The following JCAD variants were observed in gnomAD, a reference collection of about 807,000 sequenced individuals.
The protein encoded by JCAD is junctional cadherin 5 associated.
A neutral mutation model predicts 98.0 loss-of-function variants in JCAD; 40 were observed. That is an observed-to-expected ratio of 0.41 (90% confidence interval 0.32 to 0.53). The LOEUF (loss-of-function observed/expected upper bound fraction) is 0.53, where lower values mean the gene tolerates loss of function less well. JCAD is among the 20% of genes least tolerant of loss of function. The pLI is 0.31. For missense variants in JCAD, 1,705 were observed against 1,738.1 expected (o/e 0.98, Z 0.34); for synonymous variants, 691 against 682.3 (o/e 1.01, Z -0.20).
At chr10:30,043,241 A>G (rs913738522) in intron 2 of JCAD, among the ~76,000 whole-genome samples, 2 of 152,152 alleles carry the variant, frequency 1.3e-5, no homozygotes, top group Non-Finnish European at 2.9e-5. Context: ...AGTGTCCTGT[A>G]TGCTCAAAAA....
intron 1 of JCAD, among the ~76,000 whole-genome samples, chr10:30,048,383 C>A (rs1041032561): frequency 6.6e-6 from 1 of 152,208 alleles, no homozygotes; most frequent in African/African-American, 2.4e-5. Context: ...TTAATCAACA[C>A]AGTCATGATA....
intron 1 of JCAD, among the ~76,000 whole-genome samples, chr10:30,085,732 T>C (rs1838157014): frequency 6.6e-6 from 1 of 152,208 alleles, no homozygotes; most frequent in South Asian, 2.1e-4. Context: ...ACTTTGCAAC[T>C]GAGCAGAGTC....
chr10:30,067,133 G>A (rs1402322240), intron 2 of JCAD, among the ~76,000 whole-genome samples: 1 of 150,564 alleles, frequency 6.6e-6, no homozygotes. Context: ...TCATGCTACT[G>A]CACTCCAACC....
intron 1 of JCAD, among the ~76,000 whole-genome samples, chr10:30,052,326 G>A (rs930236801): frequency 6.6e-6 from 1 of 152,210 alleles, no homozygotes; most frequent in African/African-American, 2.4e-5. Context: ...GGAGTAAAAT[G>A]AGAAGGCTGA....
At chr10:30,048,315 A>G (rs907752136) in intron 1 of JCAD, among the ~76,000 whole-genome samples, 2 of 152,196 alleles carry the variant, frequency 1.3e-5, no homozygotes, top group African/African-American at 4.8e-5. Flanking sequence ...TAATCTTAGG[A>G]CACGCCCCTG....
Position 30,028,835 on chromosome 10 carries a change from T to A in JCAD, c.1313A>T (p.Gln438Leu), listed in dbSNP as rs780441562. Residue 438 changes from glutamine (Q) to leucine (L), a missense_variant, in exon 3 of 4, where the codon CAG becomes CTG. By Grantham distance (113) the Gln-to-Leu change is moderately radical. This residue lies in a region of JCAD where 1,278 missense variants were observed against 1,243.1 expected (regional missense o/e 1.03). Transcript: ENST00000375377. ...DPRLRHFKLA[Q>L]PQGFCEDIKL... ...TATGTCTTCACAGAAACCCTGGGGC[T>A]GAGCTAGTTTAAAATGTCGTAACCG... 2 of 1,614,228 alleles carry A rather than the reference T, an allele frequency of 1.2e-6. No homozygotes were observed. Among genetic ancestry groups the A allele is most frequent in the East Asian group, 4.5e-5 (2 of 44,886 alleles).
At chr10:30,085,253 G>A (rs145719115) in intron 1 of JCAD, among the ~76,000 whole-genome samples, 36 of 152,182 alleles carry the variant, frequency 2.4e-4, no homozygotes, top group Non-Finnish European at 4.7e-4. Context: ...CAGGGGAAAA[G>A]CAGGCTTACG....
intron 1 of JCAD, among the ~76,000 whole-genome samples, chr10:30,085,183 C>A (rs1001528247): frequency 6.6e-6 from 1 of 152,068 alleles, no homozygotes; most frequent in Non-Finnish European, 1.5e-5. Context: ...AAAGGAGTAA[C>A]CTGATTGTCT....
intron 1 of JCAD, among the ~76,000 whole-genome samples, chr10:30,104,115 C>A (rs1838521371): frequency 6.6e-6 from 1 of 152,092 alleles, no homozygotes; most frequent in Admixed American, 6.6e-5. Context: ...TTACAGAGGC[C>A]TGGGGGCATG....
intron 1 of JCAD, among the ~76,000 whole-genome samples, chr10:30,081,931 T>C (rs1564466254): frequency 6.6e-6 from 1 of 152,206 alleles, no homozygotes; most frequent in Non-Finnish European, 1.5e-5. Context: ...TATAATTCTG[T>C]TGCACTAAGA....
intron 2 of JCAD, among the ~76,000 whole-genome samples, chr10:30,040,270 A>G (rs1041668409): frequency 2.0e-5 from 3 of 152,230 alleles, no homozygotes; most frequent in Non-Finnish European, 4.4e-5. Flanking sequence ...CATTTCCACA[A>G]TACGGATGCA....
chr10:30,082,877 AC>A (rs1486368607), intron 1 of JCAD, among the ~76,000 whole-genome samples: 4,914 of 103,116 alleles, frequency 0.048, 305 homozygotes, highest in African/African-American at 0.12. Flanking sequence ...AAAAAAAAAA[AC>A]AAAAAATTAG....
chr10:30,047,437 C>G, intron 2 of JCAD, 95 bp downstream of exon 2: 1 of 1,441,198 alleles, frequency 6.9e-7, no homozygotes, highest in South Asian at 1.4e-5. Context: ...CTCCTTGGCC[C>G]TGGCCAAATA....
intron 1 of JCAD, among the ~76,000 whole-genome samples, chr10:30,110,886 C>G (rs1209749638): frequency 6.6e-6 from 1 of 151,962 alleles, no homozygotes; most frequent in African/African-American, 2.4e-5. Flanking sequence ...ATGTATAGAC[C>G]AGCTGATGTG....
chr10:30,020,623 G>C (rs888719683), intron 3 of JCAD, among the ~76,000 whole-genome samples: 1 of 152,186 alleles, frequency 6.6e-6, no homozygotes, highest in Non-Finnish European at 1.5e-5. Flanking sequence ...TCAGCTGCAC[G>C]CAGGAATAAT....
intron 2 of JCAD, among the ~76,000 whole-genome samples, chr10:30,064,825 C>G (rs1404054803): frequency 6.6e-6 from 1 of 152,192 alleles, no homozygotes; most frequent in Non-Finnish European, 1.5e-5. Context: ...GCACGTGCCA[C>G]CACGCCTGGT....
chr10:30,030,541 G>C (rs1331203567), intron 2 of JCAD, among the ~76,000 whole-genome samples: 2 of 152,172 alleles, frequency 1.3e-5, no homozygotes, highest in Non-Finnish European at 2.9e-5. Flanking sequence ...GCTCAGTCCA[G>C]ACCTCCTGTG....
Position 30,029,618 on chromosome 10 carries a change from C to T in JCAD, c.530G>A (p.Gly177Asp). Residue 177 changes from glycine (G) to aspartate (D), a missense_variant, in exon 3 of 4, where the codon GGT (glycine) becomes GAT (aspartate). Gly to Asp is a moderately conservative substitution (Grantham distance 94). Coordinates refer to ENST00000375377, the MANE Select transcript of JCAD (RefSeq NM_020848.4). Reference sequence around the variant, plus strand: ...GCTGACGTTCTGCCACTTGGCAGGACCTGACATTCGCAATTCTTCTTCCCA... The same window carrying T: ...GCTGACGTTCTGCCACTTGGCAGGATCTGACATTCGCAATTCTTCTTCCCA... Reference protein sequence around the residue: ...PVWEEELRMSGPAKWQNVSLE... With the variant: ...PVWEEELRMSDPAKWQNVSLE... 6 of 1,614,210 alleles carry T rather than the reference C, an allele frequency of 3.7e-6. No homozygotes were observed. The highest frequency in any genetic ancestry group is 5.1e-6 in the Non-Finnish European group (6 of 1,180,058).
chr10:30,094,609 G>A lies in JCAD; in HGVS notation n.128+20758C>T, dbSNP rs75429414. On this transcript the variant is annotated intron_variant and non_coding_transcript_variant, in intron 1 of 2. Coordinates refer to the JCAD transcript ENST00000465712. ...TTCATCTTTTGTTGAAAGCAGACGA[G>A]TGCTACTTCTACCTGCATTTTCCCT... Among the ~76,000 whole-genome samples, 78 of 152,294 alleles carry A rather than the reference G, an allele frequency of 5.1e-4. No homozygotes were observed. In the East Asian group the frequency reaches 0.014, roughly 28 times the overall value.
Sources: gnomAD v4.1 joint callset for allele counts (sites outside exome capture counted in the v4.1 genomes callset) on GRCh38, gnomAD v4.1.1 for gene constraint, gnomAD v4.1.1 regional missense constraint, MANE v1.5 for transcripts, NCBI Gene and HGNC (gene_info 2026-07-23, HGNC 2026-07-21) for gene names.